Variants in CSGALNACT1 observed in about 807,000 individuals in gnomAD.
CSGALNACT1 encodes chondroitin sulfate N-acetylgalactosaminyltransferase 1.
Under a neutral mutation model 51.0 loss-of-function variants are expected in CSGALNACT1, and 52 were observed. The ratio of observed to expected loss-of-function variants is 1.02; its 90% CI spans 0.82 to 1.29. The LOEUF (loss-of-function observed/expected upper bound fraction) is 1.29, where lower values mean the gene tolerates loss of function less well. Among genes scored for constraint, CSGALNACT1 ranks in the 50% most tolerant of loss-of-function variants. CSGALNACT1 has a pLI of 0.00. For missense variants in CSGALNACT1, 935 were observed against 679.2 expected (o/e 1.38, Z -4.19); for synonymous variants, 341 against 254.4 (o/e 1.34, Z -3.24).
intron 4 of CSGALNACT1, among the ~76,000 whole-genome samples, chr8:19,490,117 A>G (rs2074034504): frequency 6.6e-6 from 1 of 152,210 alleles, no homozygotes; most frequent in South Asian, 2.1e-4. Context: ...TCAGAAGCCA[A>G]TCCTGATCAA....
intron 8 of CSGALNACT1, among the ~76,000 whole-genome samples, chr8:19,408,988 A>ACACACACAC (rs1554501376): frequency 2.0e-5 from 3 of 151,846 alleles, no homozygotes; most frequent in Non-Finnish European, 2.9e-5. Context: ...AATCAAAAAC[A>ACACACACAC]AAAACCGGGA....
chr8:19,660,295 C>G (rs1377255461), intron 1 of CSGALNACT1, among the ~76,000 whole-genome samples: 2 of 152,130 alleles, frequency 1.3e-5, no homozygotes, highest in Non-Finnish European at 2.9e-5. Context: ...GTCTGGGGAC[C>G]AGACAAACTT....
intron 1 of CSGALNACT1, among the ~76,000 whole-genome samples, chr8:19,734,180 T>C (rs1252555097): frequency 3.8e-4 from 58 of 152,010 alleles, no homozygotes. Context: ...TTTCAAAGTA[T>C]CAGCCTCCTG....
At chr8:19,537,506 A>G in intron 3 of CSGALNACT1, among the ~76,000 whole-genome samples, 1 of 152,150 alleles carries the variant, frequency 6.6e-6, no homozygotes, top group Non-Finnish European at 1.5e-5. Context: ...ACATTTGACC[A>G]CCCCACTCAG....
chr8:19,685,437 G>A (rs911957366), upstream of CSGALNACT1, among the ~76,000 whole-genome samples: 1 of 152,090 alleles, frequency 6.6e-6, no homozygotes, highest in African/African-American at 2.4e-5. Flanking sequence ...AGTGAGTCAC[G>A]ATTGCACCAC....
At chr8:19,628,942 C>G (rs1439473226) in intron 1 of CSGALNACT1, among the ~76,000 whole-genome samples, 1 of 152,136 alleles carries the variant, frequency 6.6e-6, no homozygotes, top group Non-Finnish European at 1.5e-5. Context: ...TTCTGGCACC[C>G]TCTGTGTCAG....
intron 6 of CSGALNACT1, among the ~76,000 whole-genome samples, chr8:19,428,216 G>A (rs2059083356): frequency 6.6e-6 from 1 of 152,164 alleles, no homozygotes; most frequent in Admixed American, 6.6e-5. Context: ...ACCAGCATCG[G>A]AGTCTGTATC....
chr8:19,541,166 G>A (rs1475939779), intron 3 of CSGALNACT1, among the ~76,000 whole-genome samples: 1 of 151,326 alleles, frequency 6.6e-6, no homozygotes, highest in Non-Finnish European at 1.5e-5. Context: ...TGCAACCTTT[G>A]CCTCCCAGGT....
intron 5 of CSGALNACT1, among the ~76,000 whole-genome samples, chr8:19,442,113 T>C (rs2061414532): frequency 6.6e-6 from 1 of 152,230 alleles, no homozygotes; most frequent in Admixed American, 6.5e-5. Flanking sequence ...CTTTTTACAC[T>C]GTTGGTGGGA....
intron 4 of CSGALNACT1, among the ~76,000 whole-genome samples, chr8:19,499,503 C>A (rs1466916864): frequency 1.3e-5 from 2 of 152,092 alleles, no homozygotes; most frequent in Non-Finnish European, 2.9e-5. Flanking sequence ...TCCCTGGGAA[C>A]TAAACTGTTT....
chr8:19,642,666 G>C (rs2056860244), intron 1 of CSGALNACT1, among the ~76,000 whole-genome samples: 1 of 151,892 alleles, frequency 6.6e-6, no homozygotes, highest in Non-Finnish European at 1.5e-5. Context: ...CACACCTGTA[G>C]TCCCAGCTAC....
At chr8:19,508,443 T>C (rs912990500) in intron 3 of CSGALNACT1, among the ~76,000 whole-genome samples, 1 of 152,236 alleles carries the variant, frequency 6.6e-6, no homozygotes, top group African/African-American at 2.4e-5. Flanking sequence ...TAGTGCTAAG[T>C]TTAAAGTGCA....
chr8:19,405,967 C>A, exon 10 of CSGALNACT1: 2 of 1,614,164 alleles, frequency 1.2e-6, no homozygotes, highest in Non-Finnish European at 1.7e-6. Flanking sequence ...GTGGAAGAGT[C>A]CTCGCACAGG....
chr8:19,631,321 C>A (rs1261758391), intron 1 of CSGALNACT1, among the ~76,000 whole-genome samples: 1 of 152,140 alleles, frequency 6.6e-6, no homozygotes, highest in Non-Finnish European at 1.5e-5. Context: ...CTCCCACCAG[C>A]AATGAATGGA....
At chr8:19,657,525 T>G (rs531805363) in intron 1 of CSGALNACT1, among the ~76,000 whole-genome samples, 1 of 151,946 alleles carries the variant, frequency 6.6e-6, no homozygotes, top group East Asian at 1.9e-4. Context: ...AATACACAAA[T>G]AGAATGAAAA....
rs756025465 is a variant in CSGALNACT1 at position 19,644,709 on chromosome 8, CAAAAAAAAAA to C, written c.-544+37754_-544+37763del. The stretch of plus-strand genomic sequence containing the variant: ...TGGGTAACAGAGCGAGACTCCGTCT[CAAAAAAAAAA>C]AAAAAAAAAAAAAAAAAGAGGAAAC... On this transcript the variant is annotated intron_variant, in intron 1 of 9. Coordinates refer to the CSGALNACT1 transcript ENST00000332246. 4.9e-4 allele frequency among the ~76,000 whole-genome samples: 11 copies of C among 22,290 alleles called. No homozygotes were observed. In the East Asian group the frequency reaches 5.3e-3, roughly 11 times the overall value. The allele number at this position is 22,290 out of a possible 152,430, so 14.6% of individuals were successfully genotyped here.
intron 4 of CSGALNACT1, among the ~76,000 whole-genome samples, chr8:19,484,794 G>A (rs2072437131): frequency 6.6e-6 from 1 of 152,124 alleles, no homozygotes; most frequent in South Asian, 2.1e-4. Flanking sequence ...AAGTTACAAT[G>A]GGGCTGCTCT....
At chr8:19,584,101 A>C (rs1041520722) in intron 3 of CSGALNACT1, among the ~76,000 whole-genome samples, 1 of 152,232 alleles carries the variant, frequency 6.6e-6, no homozygotes, top group Non-Finnish European at 1.5e-5. Context: ...GTAACAAAGT[A>C]AGTAGTAAAG....
At chr8:19,502,086 G>C (rs1472429231) in intron 4 of CSGALNACT1, among the ~76,000 whole-genome samples, 2 of 152,198 alleles carry the variant, frequency 1.3e-5, no homozygotes, top group South Asian at 2.1e-4. Context: ...AAGCTTCGCA[G>C]AACTGTAGAA....
Sources: gnomAD v4.1 joint callset for allele counts (sites outside exome capture counted in the v4.1 genomes callset) on GRCh38, gnomAD v4.1.1 for gene constraint, MANE v1.5 for transcripts, NCBI Gene and HGNC (gene_info 2026-07-23, HGNC 2026-07-21) for gene names.